Variants in ARID4B observed in about 807,000 individuals in gnomAD.
ARID4B encodes AT-rich interactive domain-containing protein 4B.
In ARID4B, 26 loss-of-function variants were observed where a neutral mutation model predicts 147.5. The observed-to-expected ratio is 0.18, with a 90% CI of 0.13 to 0.24. The LOEUF is 0.24. ARID4B is among the 10% of genes least tolerant of loss of function. ARID4B has a pLI of 1.00. For synonymous variants in ARID4B, 512 were observed against 507.9 expected, an observed-to-expected ratio of 1.01 and a Z score of -0.11; for missense variants, 1,179 against 1,511.5, an observed-to-expected ratio of 0.78 and a Z score of 3.65.
At chr1:235,197,266 A>G (rs1483303959) in intron 17 of ARID4B, among the ~76,000 whole-genome samples, 1 of 152,244 alleles carries the variant, frequency 6.6e-6, no homozygotes, top group African/African-American at 2.4e-5. Flanking sequence ...ACAAAACTCT[A>G]GAACATGGAC....
Position 235,172,707 on chromosome 1 carries a change from T to G in ARID4B, c.3722A>C (p.Gln1241Pro). ...TGACAGATAATGTTTTCTGATTTCT[T>G]GAAGTTTTTCTTGAAGAATTGTGAT... is the stretch of plus-strand genomic sequence containing the variant. ...ERITILQEKLQEIRKHYLSLK... is the reference protein window; with the variant it reads ...ERITILQEKLPEIRKHYLSLK... Residue 1241 changes from glutamine to proline, a missense_variant, in exon 23 of 24, where the codon CAA (glutamine) becomes CCA (proline). Coordinates refer to ENST00000264183, the MANE Select transcript of ARID4B (RefSeq NM_016374.6). 1 of 1,607,658 alleles carries G rather than the reference T, an allele frequency of 6.2e-7. No homozygotes were observed. The highest frequency in any genetic ancestry group is 8.5e-7 in the Non-Finnish European group (1 of 1,177,412).
At chr1:235,171,568 C>A (rs996894751) in intron 23 of ARID4B, among the ~76,000 whole-genome samples, 2 of 152,032 alleles carry the variant, frequency 1.3e-5, no homozygotes, top group Middle Eastern at 6.8e-3. Context: ...CTCTATTTAG[C>A]AAAATCATTC....
chr1:235,243,955 G>A (rs1669145120), intron 7 of ARID4B, among the ~76,000 whole-genome samples: 1 of 152,118 alleles, frequency 6.6e-6, no homozygotes, highest in Non-Finnish European at 1.5e-5. Context: ...TGGAATTAGT[G>A]ATGATAGTTA....
chr1:235,244,251 G>A (rs1669161659), intron 7 of ARID4B, among the ~76,000 whole-genome samples: 1 of 152,118 alleles, frequency 6.6e-6, no homozygotes, highest in Non-Finnish European at 1.5e-5. Context: ...TTCTGAAGGG[G>A]AAAAATATAA....
intron 7 of ARID4B, 94 bp downstream of exon 7, chr1:235,246,326 G>A (rs896526652): frequency 8.6e-5 from 87 of 1,006,634 alleles, no homozygotes; most frequent in Non-Finnish European, 1.2e-4. Flanking sequence ...GATCTGGTTA[G>A]CATTTTGCAA....
intron 2 of ARID4B, among the ~76,000 whole-genome samples, chr1:235,311,417 A>C (rs1182832023): frequency 1.3e-5 from 2 of 150,034 alleles, no homozygotes; most frequent in Admixed American, 6.7e-5. Flanking sequence ...GGACTATAAG[A>C]AGCTTTGTAT....
chr1:235,295,428 T>C (rs923175342), intron 2 of ARID4B, among the ~76,000 whole-genome samples: 24 of 150,906 alleles, frequency 1.6e-4, no homozygotes, highest in Non-Finnish European at 3.0e-4. Context: ...GAGAATTGCT[T>C]GAACCTGGGA....
At chr1:235,260,521 AT>A (rs1196417198) in intron 3 of ARID4B, 120 bp downstream of exon 3, 1 of 613,108 alleles carries the variant, frequency 1.6e-6, no homozygotes. Flanking sequence ...GTTTTGAGGT[AT>A]TTTTACAACC....
At chr1:235,229,537 T>C (rs895706554) in intron 10 of ARID4B, 152 bp from the exon 11 acceptor site, 6 of 615,416 alleles carry the variant, frequency 9.7e-6, no homozygotes, top group Non-Finnish European at 1.1e-5. Flanking sequence ...TAAGTGCTTT[T>C]AAATGTAGCA....
At chr1:235,187,465 C>T (rs1387250740) in intron 19 of ARID4B, among the ~76,000 whole-genome samples, 1 of 152,198 alleles carries the variant, frequency 6.6e-6, no homozygotes, top group Non-Finnish European at 1.5e-5. Context: ...TTGATTGACA[C>T]TACTGTTAGT....
chr1:235,274,875 T>A (rs1671217895), intron 2 of ARID4B, among the ~76,000 whole-genome samples: 1 of 152,174 alleles, frequency 6.6e-6, no homozygotes, highest in South Asian at 2.1e-4. Context: ...ACTCTATATA[T>A]AAATGTTAAG....
chr1:235,250,544 T>G (rs180897956), intron 6 of ARID4B, among the ~76,000 whole-genome samples: 1 of 152,188 alleles, frequency 6.6e-6, no homozygotes, highest in African/African-American at 2.4e-5. Context: ...ATAAGTTCCA[T>G]GTTTACATGG....
chr1:235,179,058 G>C (rs1413867251), intron 20 of ARID4B, among the ~76,000 whole-genome samples: 2 of 152,078 alleles, frequency 1.3e-5, no homozygotes, highest in Non-Finnish European at 1.5e-5. Flanking sequence ...CTCTCCAAGA[G>C]AGTTTAATTC....
At chr1:235,280,860 T>G (rs1671624278) in intron 2 of ARID4B, among the ~76,000 whole-genome samples, 1 of 152,156 alleles carries the variant, frequency 6.6e-6, no homozygotes, top group Non-Finnish European at 1.5e-5. Flanking sequence ...CAGAGAGGCC[T>G]TGTGTTGACC....
At chr1:235,215,643 C>T (rs1186303141) in intron 16 of ARID4B, among the ~76,000 whole-genome samples, 1 of 150,014 alleles carries the variant, frequency 6.7e-6, no homozygotes, top group African/African-American at 2.4e-5. Context: ...AGTGAAGTGG[C>T]CTGATCACTG....
chr1:235,317,629 C>T (rs759149361), intron 2 of ARID4B, among the ~76,000 whole-genome samples: 1 of 151,812 alleles, frequency 6.6e-6, no homozygotes, highest in African/African-American at 2.4e-5. Context: ...TTTTTTTCTT[C>T]CCCAAATCTG....
chr1:235,307,210 A>G (rs1673634705), intron 2 of ARID4B, among the ~76,000 whole-genome samples: 1 of 152,212 alleles, frequency 6.6e-6, no homozygotes, highest in Non-Finnish European at 1.5e-5. Context: ...TTGGGAGGCC[A>G]ACAAGGGAAG....
intron 2 of ARID4B, among the ~76,000 whole-genome samples, chr1:235,309,411 CGGG>C (rs1673859575): frequency 1.1e-4 from 17 of 149,434 alleles, no homozygotes; most frequent in Admixed American, 3.3e-4. Flanking sequence ...GCCACCCGTC[CGGG>C]AGGGAGGTGG....
At chr1:235,170,867 G>A (rs896712522) in intron 23 of ARID4B, among the ~76,000 whole-genome samples, 1 of 142,858 alleles carries the variant, frequency 7.0e-6, no homozygotes, top group Non-Finnish European at 1.5e-5. Context: ...AGCCAAGATC[G>A]CGCCACTGCA....
Sources: allele counts gnomAD v4.1 joint callset (sites outside exome capture counted in the v4.1 genomes callset), GRCh38; gene constraint gnomAD v4.1.1; transcripts MANE v1.5; gene names NCBI Gene and HGNC (gene_info 2026-07-23, HGNC 2026-07-21).